Variants in ZNF544 observed in about 807,000 individuals in gnomAD.
The protein encoded by ZNF544 is zinc finger protein AF020591.
A neutral mutation model predicts 13.5 loss-of-function variants in ZNF544; 10 were observed. The observed-to-expected ratio is 0.74, with a 90% CI of 0.46 to 1.25. ZNF544 has a LOEUF of 1.25. Among genes scored for constraint, ZNF544 ranks in the 50% most tolerant of loss-of-function variants. The pLI, the probability that ZNF544 is intolerant of heterozygous loss-of-function variation, is 0.00. For missense variants in ZNF544, 896 were observed against 845.6 expected (o/e 1.06, Z -0.74); for synonymous variants, 323 against 300.5 (o/e 1.07, Z -0.77).
At chr19:58,259,279 C>T (rs2048374832) in intron 6 of ZNF544, 3 of 152,152 alleles carry the variant, frequency 2.0e-5, no homozygotes, top group Admixed American at 2.0e-4. Context: ...TGTTTGCAGC[C>T]TGAAGAAATG....
At chr19:58,269,114 G>C (rs772408607) in intron 5 of ZNF544, among the ~76,000 whole-genome samples, 1 of 152,154 alleles carries the variant, frequency 6.6e-6, no homozygotes, top group African/African-American at 2.4e-5. Context: ...CCCATGCATC[G>C]TGGAAAACTG....
intron 3 of ZNF544, among the ~76,000 whole-genome samples, chr19:58,241,181 T>A (rs186739516): frequency 0.065 from 3,263 of 50,586 alleles, 420 homozygotes; most frequent in African/African-American, 0.23. Context: ...ATATATATAT[T>A]TTTTTTTTTT....
intron 3 of ZNF544, among the ~76,000 whole-genome samples, chr19:58,235,652 A>T (rs961098227): frequency 6.6e-6 from 1 of 152,230 alleles, no homozygotes; most frequent in African/African-American, 2.4e-5. Flanking sequence ...AATTACCTCA[A>T]TTTAGCCATT....
intron 1 of ZNF544, chr19:58,229,264 C>G (rs548757152): frequency 7.9e-5 from 7 of 88,174 alleles, no homozygotes; most frequent in African/African-American, 2.9e-4. Flanking sequence ...CAGGTACGGG[C>G]AGGGGTGGAA....
rs1449084339 is a variant in ZNF544 at position 58,242,272 on chromosome 19, C to T, written c.-59-1693C>T. ...ACCGCAACATCTGCAGGAGATGATG[C>T]TGGTGGAAGAGGTTTCCCAAGCCTT... On this transcript the variant is annotated intron_variant, in intron 3 of 6. Transcript: ENST00000687789. 9.1e-6 allele frequency: 9 copies of T among 985,282 alleles called. No homozygotes were observed. In the East Asian group the frequency reaches 8.0e-4, roughly 87 times the overall value. 61.0% of individuals were successfully genotyped at this position (985,282 alleles called of 1,614,324 possible).
intron 4 of ZNF544, among the ~76,000 whole-genome samples, chr19:58,245,273 T>TA (rs1460992134): frequency 6.6e-6 from 1 of 150,700 alleles, no homozygotes; most frequent in Non-Finnish European, 1.5e-5. Flanking sequence ...CTTAAACAGT[T>TA]AAAATTAATC....
At chr19:58,231,476 T>A (rs967912318) in intron 3 of ZNF544, among the ~76,000 whole-genome samples, 34 of 152,110 alleles carry the variant, frequency 2.2e-4, no homozygotes, top group African/African-American at 8.0e-4. Flanking sequence ...GCCTGAGTGG[T>A]CAGTGGATTT....
At chr19:58,267,888 GGAGAATGGCGTGAACTC>G (rs2050131997), downstream of ZNF544, among the ~76,000 whole-genome samples, 7 of 151,472 alleles carry the variant, frequency 4.6e-5, no homozygotes, top group Admixed American at 4.6e-4. Flanking sequence ...GGCTGAGGCA[GGAGAATGGCGTGAACTC>G]AGGAGAAGGA....
intron 3 of ZNF544, among the ~76,000 whole-genome samples, chr19:58,234,810 C>T (rs957553762): frequency 7.3e-5 from 11 of 151,406 alleles, no homozygotes; most frequent in African/African-American, 2.2e-4. Context: ...AACTACAGTC[C>T]ATTCATCAAA....
At chr19:58,246,605 C>G (rs2045274412) in intron 5 of ZNF544, 106 bp from the exon 6 acceptor site, 2 of 1,473,000 alleles carry the variant, frequency 1.4e-6, no homozygotes, top group South Asian at 2.5e-5. Flanking sequence ...GTAGTCCTAA[C>G]AGTGGGGAGT....
At position 58,262,673 on chromosome 19, in the gene ZNF544, ATGTAGTGAC is replaced by A. The variant is rs759335802; in HGVS notation, c.2071_2079del (p.Ser691_Cys693del). ...TTCATTCTGGAGAGAAACCCTATGAATGTAGTGACTGTGGGAAATCCTTCCGGCAGCAAT... is the reference window on the plus strand; with the variant it reads ...TTCATTCTGGAGAGAAACCCTATGAATGTGGGAAATCCTTCCGGCAGCAAT... On this transcript the variant is annotated inframe_deletion, in exon 7 of 7. Coordinates refer to ENST00000687789, the MANE Select transcript of ZNF544 (RefSeq NM_014480.4). 4 of 1,613,078 alleles carry A rather than the reference ATGTAGTGAC, an allele frequency of 2.5e-6. No homozygotes were observed. The African/African-American group carries it at 5.3e-5, about 22-fold the overall frequency.
At chr19:58,249,072 C>T (rs150190769) in intron 6 of ZNF544, among the ~76,000 whole-genome samples, 25 of 152,228 alleles carry the variant, frequency 1.6e-4, no homozygotes, top group African/African-American at 5.5e-4. Context: ...TTTTCATCTG[C>T]GACACAGAAG....
At chr19:58,247,078 AATGT>A (rs932477005) in intron 6 of ZNF544, among the ~76,000 whole-genome samples, 27 of 151,706 alleles carry the variant, frequency 1.8e-4, no homozygotes, top group African/African-American at 6.3e-4. Flanking sequence ...TTTTTTAATT[AATGT>A]ATGTATTTAT....
rs1210341880 is a variant in ZNF544 at position 58,262,778 on chromosome 19, T to C, written c.*24T>C. 15 of 1,568,440 alleles carry C rather than the reference T, an allele frequency of 9.6e-6. No individual in the cohort carries two copies. The highest frequency in any genetic ancestry group is 1.3e-5 in the Non-Finnish European group (15 of 1,155,990). On this transcript the variant is annotated 3_prime_UTR_variant, in exon 7 of 7. Transcript: ENST00000687789. Reference sequence around the variant, plus strand: ...AGGAGTGCAGTCATTGTGGGAAAGCTTTCATCCAGAGGTCTCCCCTCATCA... The same window carrying C: ...AGGAGTGCAGTCATTGTGGGAAAGCCTTCATCCAGAGGTCTCCCCTCATCA...
At chr19:58,236,794 T>G (rs1369324190) in intron 3 of ZNF544, among the ~76,000 whole-genome samples, 5 of 151,122 alleles carry the variant, frequency 3.3e-5, no homozygotes, top group African/African-American at 9.7e-5. Flanking sequence ...CAGGCTGGAG[T>G]GCAGTGGCGG....
rs1319455005 is a variant in ZNF544, at chr19:58,275,113, A to ATGAC, written c.245-1208_245-1205dup. On this transcript the variant is annotated intron_variant, in intron 5 of 6. Transcript: ENST00000595981. Reference sequence around the variant, plus strand: ...AATCCCCTCCTTTTCCAGATACCGAATGACTATTCCACCCATAATTAAACA... The same window carrying ATGAC: ...AATCCCCTCCTTTTCCAGATACCGAATGACTGACTATTCCACCCATAATTAAACA... Among the ~76,000 whole-genome samples, 6 of 152,148 alleles carry ATGAC rather than the reference A, an allele frequency of 3.9e-5. No individual in the cohort carries two copies. In the East Asian group the frequency reaches 9.7e-4, roughly 24 times the overall value.
chr19:58,237,989 A>G (rs904438739), intron 3 of ZNF544, among the ~76,000 whole-genome samples: 15 of 152,108 alleles, frequency 9.9e-5, no homozygotes, highest in African/African-American at 3.4e-4. Flanking sequence ...CTGGAGTGCA[A>G]TGGCACGATC....
chr19:58,245,257 A>G (rs1369006184), intron 4 of ZNF544, among the ~76,000 whole-genome samples: 2 of 148,788 alleles, frequency 1.3e-5, no homozygotes, highest in East Asian at 4.0e-4. Context: ...ACCTTCTTGA[A>G]CAGTTCTTAA....
rs1388201851 is a variant in ZNF544 at position 58,241,143 on chromosome 19, A to AAAAATATATATATATTTT, written c.-59-2820_-59-2819insAATATATATATATTTTAA. ...TGCACCACCATGGCCAGCCAATTTA[A>AAAAATATATATATATTTT]AATATATATATATATTTAAATATAT... is the stretch of plus-strand genomic sequence containing the variant. On this transcript the variant is annotated intron_variant, in intron 3 of 6. Transcript: ENST00000687789. Among the ~76,000 whole-genome samples, 358 of 120,526 alleles carry AAAAATATATATATATTTT rather than the reference A, an allele frequency of 3.0e-3. 9 individuals carry two copies. Among genetic ancestry groups the AAAAATATATATATATTTT allele is most frequent in the African/African-American group, 9.7e-3 (290 of 29,802 alleles). The allele number at this position is 120,526 out of a possible 152,430, so 79.1% of individuals were successfully genotyped here.
Sources: gnomAD v4.1 joint callset for allele counts (sites outside exome capture counted in the v4.1 genomes callset) on GRCh38, gnomAD v4.1.1 for gene constraint, MANE v1.5 for transcripts, NCBI Gene and HGNC (gene_info 2026-07-23, HGNC 2026-07-21) for gene names.